The following CUBN variants were observed in gnomAD, a reference collection of about 807,000 sequenced individuals.
CUBN encodes the protein 460 kDa receptor.
Under a neutral mutation model 405.3 loss-of-function variants are expected in CUBN, and 282 were observed. The ratio of observed to expected loss-of-function variants is 0.70; its 90% CI spans 0.63 to 0.77. CUBN has a LOEUF of 0.77. Ranked by LOEUF, CUBN falls within the 30% of genes least tolerant of loss-of-function variation. The pLI, the probability that CUBN is intolerant of heterozygous loss-of-function variation, is 0.00. For synonymous variants in CUBN, 1,684 were observed against 1,617.0 expected (o/e 1.04, Z -0.99); for missense variants, 4,514 against 4,475.2 (o/e 1.01, Z -0.25).
chr10:16,948,785 A>ACTATATATAGGAG (rs1842850291), intron 34 of CUBN, among the ~76,000 whole-genome samples, 179 bp from the exon 35 acceptor site: 1 of 152,140 alleles, frequency 6.6e-6, no homozygotes, highest in African/African-American at 2.4e-5. Context: ...TTTAAAATAA[A>ACTATATATAGGAG]CTATATATAG....
chr10:17,036,978 A>C (rs1334495610), intron 27 of CUBN, among the ~76,000 whole-genome samples: 1 of 152,162 alleles, frequency 6.6e-6, no homozygotes, highest in Non-Finnish European at 1.5e-5. Flanking sequence ...CTTGACACTT[A>C]TAATCTTTCT....
intron 28 of CUBN, among the ~76,000 whole-genome samples, chr10:16,998,080 A>G (rs1833783682): frequency 6.6e-6 from 1 of 152,160 alleles, no homozygotes; most frequent in South Asian, 2.1e-4. Flanking sequence ...AAGAAGGAAG[A>G]AAGAAGAGAG....
Position 16,890,464 on chromosome 10 carries a change from G to C in CUBN, c.8662C>G (p.Pro2888Ala), listed in dbSNP as rs759994283. 1 of 1,613,994 alleles carries C rather than the reference G, an allele frequency of 6.2e-7. No individual in the cohort carries two copies. Among genetic ancestry groups the C allele is most frequent in the African/African-American group, 1.3e-5 (1 of 74,908 alleles). ...LLATGCGNVAPGPVITPSNTF... is the reference protein window; with the variant it reads ...LLATGCGNVAAGPVITPSNTF... Reference sequence around the variant, plus strand: ...TTACTTGGTGTGATAACGGGACCCGGAGCCACGTTCCCACAGCCAGTGGCT... The same window carrying C: ...TTACTTGGTGTGATAACGGGACCCGCAGCCACGTTCCCACAGCCAGTGGCT... Residue 2888 changes from proline (P) to alanine (A), a missense_variant, in exon 55 of 67, where the codon CCG becomes GCG. Physicochemically the swap from Pro to Ala is conservative, Grantham distance 27. This residue lies in a region of CUBN where 1,186 missense variants were observed against 1,186.9 expected (regional missense o/e 1.00). Coordinates refer to ENST00000377833, the MANE Select transcript of CUBN (RefSeq NM_001081.4).
intron 40 of CUBN, 62 bp from the exon 41 acceptor site, chr10:16,928,365 T>G: frequency 6.3e-7 from 1 of 1,578,316 alleles, no homozygotes; most frequent in Non-Finnish European, 8.7e-7. Flanking sequence ...TACAATCATT[T>G]GCAGCTTAGC....
intron 18 of CUBN, 24 bp downstream of exon 18, chr10:17,071,803 T>C (rs750626963): frequency 2.5e-6 from 4 of 1,608,096 alleles, no homozygotes; most frequent in East Asian, 2.2e-5. Context: ...AAATTAGACA[T>C]TTAAAAATTA....
chr10:17,035,107 G>A lies in CUBN; in HGVS notation c.4017+5926C>T, dbSNP rs115724378. Among the ~76,000 whole-genome samples, 1,472 of 149,640 alleles carry A rather than the reference G, an allele frequency of 9.8e-3. 19 individuals carry two copies. Among genetic ancestry groups the A allele is most frequent in the African/African-American group, 0.032 (1,325 of 41,146 alleles). The stretch of plus-strand genomic sequence containing the variant: ...AAAAAAAAAATAAACAAATGAAAAC[G>A]CAATTGAAAAAGGAAAGAACATTCT... On this transcript the variant is annotated intron_variant, in intron 27 of 66. Coordinates refer to ENST00000377833, the MANE Select transcript of CUBN (RefSeq NM_001081.4).
rs1842253340 is a variant in CUBN, at chr10:16,928,273, A to G, written c.6155T>C (p.Val2052Ala). Residue 2052 changes from valine to alanine, a missense_variant, in exon 41 of 67, where the codon GTT (valine) becomes GCT (alanine). By Grantham distance (64) the Val-to-Ala change is moderately conservative. This residue lies in a region of CUBN where 1,613 missense variants were observed against 1,542.8 expected (regional missense o/e 1.05). Coordinates refer to ENST00000377833, the MANE Select transcript of CUBN (RefSeq NM_001081.4). ...GDNNLAQQLA[V>A]LCGREIPGPI... is the part of the protein sequence containing the mutation. ...CCCAGGGATCTCTCTGCCACAGAGA[A>G]CTGCTAGCTGCTGGGCCAAGTTATT... is the stretch of plus-strand genomic sequence containing the variant. The G allele has an allele frequency of 6.2e-7, 1 of 1,613,856 alleles. No homozygotes were observed.
intron 29 of CUBN, 60 bp downstream of exon 29, chr10:16,990,274 G>T: frequency 6.7e-7 from 1 of 1,492,444 alleles, no homozygotes; most frequent in Non-Finnish European, 9.4e-7. Flanking sequence ...TCTTGGCAGA[G>T]TGATTTCCTG....
chr10:16,989,773 A>C (rs1833528181), intron 29 of CUBN, among the ~76,000 whole-genome samples: 10 of 152,214 alleles, frequency 6.6e-5, no homozygotes, highest in Admixed American at 6.5e-4. Flanking sequence ...TTTTTTACAA[A>C]AGCGCTCTGC....
At chr10:16,940,281 A>C in intron 36 of CUBN, 44 bp from the exon 37 acceptor site, 6 of 1,545,154 alleles carry the variant, frequency 3.9e-6, no homozygotes, top group Non-Finnish European at 5.4e-6. Flanking sequence ...AATTGAGAGA[A>C]TAGACTTTGG....
Position 17,015,504 on chromosome 10 carries a change from T to C in CUBN, c.4168+4329A>G, listed in dbSNP as rs185306393. 6.3e-4 allele frequency among the ~76,000 whole-genome samples: 96 copies of C among 152,310 alleles called. 1 individual carries two copies. Among genetic ancestry groups the C allele is most frequent in the African/African-American group, 2.2e-3 (90 of 41,562 alleles). On this transcript the variant is annotated intron_variant, in intron 28 of 66. Coordinates refer to ENST00000377833, the MANE Select transcript of CUBN (RefSeq NM_001081.4). Reference sequence around the variant, plus strand: ...TGGTTACAGGATGTCCCAGGATTCCTTGGATGGTAAAACCTTGAGGACAGT... The same window carrying C: ...TGGTTACAGGATGTCCCAGGATTCCCTGGATGGTAAAACCTTGAGGACAGT...
rs1450783870 is a variant in CUBN at position 17,114,048 on chromosome 10, A to G, written c.862T>C (p.Tyr288His). ...VQCFNTQGSF[Y>H]CGACPTGWQG... ...GTACCTGTTGGACAGGCCCCACAGTAGAAAGAGCCTTGAGTGTTGAAACAC... is the reference window on the plus strand; with the variant it reads ...GTACCTGTTGGACAGGCCCCACAGTGGAAAGAGCCTTGAGTGTTGAAACAC... Residue 288 changes from tyrosine (Y) to histidine (H), a missense_variant, in exon 8 of 67, where the codon TAC (tyrosine) becomes CAC (histidine). Transcript: ENST00000377833. 11 of 1,612,948 alleles carry G rather than the reference A, an allele frequency of 6.8e-6. No homozygotes were observed. Among genetic ancestry groups the G allele is most frequent in the Middle Eastern group, 1.6e-4 (1 of 6,084 alleles).
chr10:17,071,733 A>T (rs1835744637), intron 18 of CUBN, 94 bp downstream of exon 18: 2 of 1,503,960 alleles, frequency 1.3e-6, no homozygotes, highest in Non-Finnish European at 1.8e-6. Context: ...TTTTCCACTT[A>T]ACACTTGAGG....
At chr10:16,973,449 C>T (rs1265512859) in intron 31 of CUBN, among the ~76,000 whole-genome samples, 4 of 152,188 alleles carry the variant, frequency 2.6e-5, no homozygotes, top group African/African-American at 9.7e-5. Context: ...GCTTGAGGCC[C>T]AGAATTACAG....
chr10:16,843,139 T>A (rs1286931381), intron 60 of CUBN, among the ~76,000 whole-genome samples: 1 of 152,256 alleles, frequency 6.6e-6, no homozygotes, highest in East Asian at 1.9e-4. Context: ...TCTGTCTGAC[T>A]TCTTCACTGT....
intron 17 of CUBN, among the ~76,000 whole-genome samples, chr10:17,079,682 C>A (rs900215057): frequency 1.3e-5 from 2 of 152,192 alleles, no homozygotes; most frequent in Non-Finnish European, 2.9e-5. Flanking sequence ...TGTTTGCTTG[C>A]TCCAGGCCTT....
chr10:16,850,764 T>C (rs965928667), intron 60 of CUBN, among the ~76,000 whole-genome samples: 2 of 152,232 alleles, frequency 1.3e-5, no homozygotes, highest in African/African-American at 4.8e-5. Flanking sequence ...TGAGCCACAG[T>C]GCCCAGCCTT....
intron 28 of CUBN, among the ~76,000 whole-genome samples, chr10:17,015,570 T>C (rs1426623157): frequency 1.3e-5 from 2 of 152,194 alleles, no homozygotes; most frequent in South Asian, 4.1e-4. Flanking sequence ...GCCATGCCAG[T>C]GTCCAGGAGG....
At chr10:16,928,514 A>G (rs761276562) in intron 40 of CUBN, among the ~76,000 whole-genome samples, 2 of 66,600 alleles carry the variant, frequency 3.0e-5, no homozygotes, top group African/African-American at 5.4e-5. Context: ...CTTTACCCCC[A>G]CCCCACCCCA....
Sources: gnomAD v4.1 joint callset for allele counts (sites outside exome capture counted in the v4.1 genomes callset) on GRCh38, gnomAD v4.1.1 for gene constraint, gnomAD v4.1.1 regional missense constraint, MANE v1.5 for transcripts, NCBI Gene and HGNC (gene_info 2026-07-23, HGNC 2026-07-21) for gene names.